Variants in RAPGEF5 observed in about 807,000 individuals in gnomAD.
RAPGEF5 encodes the protein M-Ras-regulated GEF.
A neutral mutation model predicts 125.2 loss-of-function variants in RAPGEF5; 65 were observed. That is an observed-to-expected ratio of 0.52 (90% CI 0.43 to 0.64). RAPGEF5 has a LOEUF of 0.64. RAPGEF5 is among the 30% of genes least tolerant of loss of function. The probability of loss-of-function intolerance (pLI) is 0.00; values close to 1 mark genes in which losing one functional copy is unlikely to be tolerated. For missense variants in RAPGEF5, 958 were observed against 1,048.1 expected, an observed-to-expected ratio of 0.91 and a Z score of 1.19; for synonymous variants, 391 against 385.9, an observed-to-expected ratio of 1.01 and a Z score of -0.16.
chr7:22,276,764 A>T (rs1234699659), intron 6 of RAPGEF5, among the ~76,000 whole-genome samples: 1 of 152,220 alleles, frequency 6.6e-6, no homozygotes, highest in Non-Finnish European at 1.5e-5. Context: ...GTGGAGTCAC[A>T]GTCCTCTACC....
At chr7:22,214,031 A>G (rs1785571384) in intron 9 of RAPGEF5, among the ~76,000 whole-genome samples, 1 of 152,218 alleles carries the variant, frequency 6.6e-6, no homozygotes, top group African/African-American at 2.4e-5. Context: ...ATATGTAAAT[A>G]AGTGTGACAG....
chr7:22,353,887 G>C (rs1784374966), intron 1 of RAPGEF5, among the ~76,000 whole-genome samples: 1 of 150,678 alleles, frequency 6.6e-6, no homozygotes, highest in Admixed American at 6.7e-5. Flanking sequence ...AACGTAGTGA[G>C]ACCCCCAGTC....
Position 22,145,065 on chromosome 7 carries a change from T to G in RAPGEF5, c.2165A>C (p.Lys722Thr). The G allele has an allele frequency of 1.2e-6, 2 of 1,613,282 alleles. No homozygotes were observed. Among genetic ancestry groups the G allele is most frequent in the Non-Finnish European group, 1.7e-6 (2 of 1,179,458 alleles). The change falls in exon 20 of 26, where the codon AAA (lysine) becomes ACA (threonine). Residue 722 changes from lysine (K) to threonine (T), a missense_variant. By Grantham distance (78) the Lys-to-Thr change is moderately conservative (BLOSUM62 -1). Transcript: ENST00000665637. ...QLGKRVQLVKKFIKIAAHCKA... is the reference protein window; with the variant it reads ...QLGKRVQLVKTFIKIAAHCKA... ...TTACTGAGCCGCAATTTTGATGAAT[T>G]TTTTCACCAGCTGCACTCGCTTGCC...
At chr7:22,222,438 C>T (rs1785814650) in intron 8 of RAPGEF5, among the ~76,000 whole-genome samples, 1 of 151,818 alleles carries the variant, frequency 6.6e-6, no homozygotes, top group African/African-American at 2.4e-5. Context: ...TGAATGGTGA[C>T]CTAAAGGAAA....
At chr7:22,345,871 C>CA (rs1271248963) in intron 1 of RAPGEF5, among the ~76,000 whole-genome samples, 1 of 152,080 alleles carries the variant, frequency 6.6e-6, no homozygotes, top group Non-Finnish European at 1.5e-5. Context: ...TGTTTATGGC[C>CA]AAACAAACCA....
intron 11 of RAPGEF5, among the ~76,000 whole-genome samples, chr7:22,167,967 A>G (rs960064410): frequency 6.6e-6 from 1 of 152,204 alleles, no homozygotes; most frequent in East Asian, 1.9e-4. Flanking sequence ...TTTTGCCACA[A>G]CAGTGATTAT....
intron 9 of RAPGEF5, among the ~76,000 whole-genome samples, chr7:22,216,260 C>G (rs1785635946): frequency 6.6e-6 from 1 of 152,202 alleles, no homozygotes; most frequent in African/African-American, 2.4e-5. Flanking sequence ...AAGGCCACAT[C>G]TGATTATGCC....
intron 7 of RAPGEF5, among the ~76,000 whole-genome samples, chr7:22,246,841 C>G (rs1786489741): frequency 6.6e-6 from 1 of 152,062 alleles, no homozygotes; most frequent in African/African-American, 2.4e-5. Flanking sequence ...TGACAAAGGT[C>G]TAATATCCAG....
At chr7:22,325,746 T>A (rs979150534) in intron 1 of RAPGEF5, among the ~76,000 whole-genome samples, 19 of 152,148 alleles carry the variant, frequency 1.2e-4, no homozygotes, top group Admixed American at 1.2e-3. Context: ...TTATTTTTAG[T>A]AGAGACGACG....
rs368393485 is a variant in RAPGEF5 at position 22,310,036 on chromosome 7, G to A, written c.444C>T (p.Phe148=). ...CTATGGCCATAGATCTGCACTGGAC[G>A]AAAGGACAGTGTTCTAGAAGCCAGT... is the stretch of plus-strand genomic sequence containing the variant. ...LVDWLLEHCP[F]VQCRSMAIGV... The change falls in exon 4 of 26, where the codon TTC becomes TTT. Residue 148 remains phenylalanine, a synonymous_variant. Coordinates refer to ENST00000665637, the MANE Select transcript of RAPGEF5 (RefSeq NM_012294.5). 6.3e-6 allele frequency: 10 copies of A among 1,599,972 alleles called. No homozygotes were observed. The highest frequency in any genetic ancestry group is 2.7e-5 in the African/African-American group (2 of 73,846).
chr7:22,353,869 T>G (rs748952325), intron 1 of RAPGEF5, among the ~76,000 whole-genome samples: 1 of 151,950 alleles, frequency 6.6e-6, no homozygotes, highest in Non-Finnish European at 1.5e-5. Flanking sequence ...TAGTAACAGA[T>G]AGCCTACAAC....
chr7:22,157,553 A>G (rs1171371721), intron 15 of RAPGEF5, among the ~76,000 whole-genome samples: 3 of 152,218 alleles, frequency 2.0e-5, no homozygotes, highest in Non-Finnish European at 4.4e-5. Flanking sequence ...GTTTTTTGAC[A>G]TAAACATTAT....
intron 1 of RAPGEF5, among the ~76,000 whole-genome samples, chr7:22,324,684 C>T (rs1258152742): frequency 6.6e-6 from 1 of 152,158 alleles, no homozygotes; most frequent in Non-Finnish European, 1.5e-5. Flanking sequence ...CAAAATACAA[C>T]ATTTATTTCT....
intron 7 of RAPGEF5, among the ~76,000 whole-genome samples, chr7:22,235,924 T>C (rs754738870): frequency 6.6e-6 from 1 of 152,200 alleles, no homozygotes; most frequent in Non-Finnish European, 1.5e-5. Flanking sequence ...AAAAAGGTAA[T>C]TGTAACATTT....
chr7:22,211,102 AATC>A (rs142446480), intron 9 of RAPGEF5, among the ~76,000 whole-genome samples: 4,881 of 152,286 alleles, frequency 0.032, 199 homozygotes, highest in South Asian at 0.16. Flanking sequence ...TATTTTCAGC[AATC>A]TTCTATTTTT....
intron 1 of RAPGEF5, among the ~76,000 whole-genome samples, chr7:22,341,104 C>G (rs975936770): frequency 6.6e-6 from 1 of 152,086 alleles, no homozygotes; most frequent in Non-Finnish European, 1.5e-5. Flanking sequence ...AAAGACATAC[C>G]CAGGACTGGG....
chr7:22,331,485 C>G (rs1186112798), intron 1 of RAPGEF5, among the ~76,000 whole-genome samples: 1 of 152,090 alleles, frequency 6.6e-6, no homozygotes, highest in Non-Finnish European at 1.5e-5. Flanking sequence ...GTGGCTCACG[C>G]CTGTAATCCC....
At chr7:22,309,874 C>T in intron 4 of RAPGEF5, 95 bp downstream of exon 4, 1 of 1,315,316 alleles carries the variant, frequency 7.6e-7, no homozygotes, top group South Asian at 1.5e-5. Flanking sequence ...AAATAATTTC[C>T]ATCCAGACTG....
chr7:22,242,310 C>T (rs1786351363), intron 7 of RAPGEF5, among the ~76,000 whole-genome samples: 1 of 152,224 alleles, frequency 6.6e-6, no homozygotes, highest in South Asian at 2.1e-4. Flanking sequence ...TCTTCTTTCC[C>T]AGGATGGGAA....
Sources: allele counts gnomAD v4.1 joint callset (sites outside exome capture counted in the v4.1 genomes callset), GRCh38; gene constraint gnomAD v4.1.1; transcripts MANE v1.5; gene names NCBI Gene and HGNC (gene_info 2026-07-23, HGNC 2026-07-21).